The following SOX6 variants were observed in gnomAD, a reference collection of about 807,000 sequenced individuals.
SOX6 encodes the protein SRY-box transcription factor 6, also known as transcription factor SOX-6.
In SOX6, 11 loss-of-function variants were observed where a neutral mutation model predicts 97.8. The observed-to-expected ratio is 0.11, with a 90% CI of 0.07 to 0.19. The LOEUF (loss-of-function observed/expected upper bound fraction) is 0.19, where lower values mean the gene tolerates loss of function less well. SOX6 is among the 10% of genes least tolerant of loss of function. The pLI, the probability that SOX6 is intolerant of heterozygous loss-of-function variation, is 1.00. For missense variants in SOX6, 810 were observed against 1,039.5 expected, an observed-to-expected ratio of 0.78 and a Z score of 3.04; for synonymous variants, 360 against 371.4, an observed-to-expected ratio of 0.97 and a Z score of 0.35.
At chr11:16,384,367 C>A (rs1423495508) in intron 1 of SOX6, among the ~76,000 whole-genome samples, 2 of 151,746 alleles carry the variant, frequency 1.3e-5, no homozygotes, top group Non-Finnish European at 2.9e-5. Context: ...ACCTCCATGA[C>A]ATCCTAGAAG....
chr11:16,476,034 G>A (rs1167874909), intron 1 of SOX6, among the ~76,000 whole-genome samples: 2 of 151,960 alleles, frequency 1.3e-5, no homozygotes, highest in African/African-American at 4.8e-5. Flanking sequence ...TCCTACAATT[G>A]AGCCCTATTC....
At chr11:16,400,568 T>G (rs529902243) in intron 1 of SOX6, among the ~76,000 whole-genome samples, 1 of 151,662 alleles carries the variant, frequency 6.6e-6, no homozygotes, top group Admixed American at 6.6e-5. Context: ...ATGTAGTGAT[T>G]AAAAATGTTC....
intron 4 of SOX6, among the ~76,000 whole-genome samples, chr11:16,504,552 T>C (rs1011203197): frequency 1.6e-4 from 23 of 143,850 alleles, no homozygotes; most frequent in African/African-American, 5.6e-4. Context: ...CAAGGAAAAC[T>C]GTAAACCACT....
chr11:16,605,291 C>G lies in SOX6; in HGVS notation n.609+6790G>C, dbSNP rs1848322478. ...TGCGCTCGGCCGGGTGACTCCCTGG[C>G]GAAGTCCGCGCCCGGCGGGGCTGAA... On this transcript the variant is annotated intron_variant and non_coding_transcript_variant, in intron 4 of 5. Coordinates refer to the SOX6 transcript ENST00000524520. The surrounding 1 kb of genome is among the most constrained non-coding windows in gnomAD (Gnocchi z 5.3). 6.6e-6 allele frequency among the ~76,000 whole-genome samples: 1 copy of G among 152,094 alleles called. No homozygotes were observed. Among genetic ancestry groups the G allele is most frequent in the Admixed American group, 6.5e-5 (1 of 15,278 alleles).
At chr11:16,466,701 C>A (rs1860039722) in intron 1 of SOX6, among the ~76,000 whole-genome samples, 1 of 150,622 alleles carries the variant, frequency 6.6e-6, no homozygotes, top group Admixed American at 6.6e-5. Flanking sequence ...GAGGCCGAGG[C>A]AGGCGGATCA....
At position 16,613,010 on chromosome 11, in the gene SOX6, C is replaced by G. The variant is rs1353535715; in HGVS notation, n.430-750G>C. The G allele has an allele frequency of 6.6e-6, 1 of 152,404 alleles. No individual in the cohort carries two copies. The highest frequency in any genetic ancestry group is 1.9e-4 in the East Asian group (1 of 5,202). The allele number at this position is 152,404 out of a possible 1,614,324, so 9.4% of individuals were successfully genotyped here. On this transcript the variant is annotated intron_variant and non_coding_transcript_variant, in intron 3 of 5. Coordinates refer to the SOX6 transcript ENST00000524520. This position sits in a 1 kb window ranked among gnomAD's most constrained non-coding sequence, Gnocchi z 4.6. ...GATTGAATGGAAGCTCTGTACTGTACCGACTTCTGGATTTGCCCTGGGTTG... is the reference window on the plus strand; with the variant it reads ...GATTGAATGGAAGCTCTGTACTGTAGCGACTTCTGGATTTGCCCTGGGTTG...
intron 13 of SOX6, among the ~76,000 whole-genome samples, chr11:16,011,425 G>A (rs1854722904): frequency 6.6e-6 from 1 of 152,052 alleles, no homozygotes; most frequent in Admixed American, 6.6e-5. Flanking sequence ...TCACATTCAA[G>A]CCAAATAACA....
At chr11:16,706,471 A>AATATATATATAT (rs1157835806) in intron 3 of SOX6, among the ~76,000 whole-genome samples, 2 of 22,264 alleles carry the variant, frequency 9.0e-5, no homozygotes, top group Non-Finnish European at 1.5e-4. Context: ...AAAAAAAAAA[A>AATATATATATAT]ATATATATAT....
chr11:16,172,092 C>T lies in SOX6; in HGVS notation c.777+11794G>A, dbSNP rs1241689933. Among the ~76,000 whole-genome samples, 9 of 151,746 alleles carry T rather than the reference C, an allele frequency of 5.9e-5. No individual in the cohort carries two copies. In the Admixed American group the frequency reaches 5.9e-4, roughly 10 times the overall value. The stretch of plus-strand genomic sequence containing the variant: ...AACCCACCCCCGACACTCAACACCA[C>T]CCCCACAGTTAGACAAAGTTCTAGC... On this transcript the variant is annotated intron_variant, in intron 6 of 15. Transcript: ENST00000683767.
At chr11:16,092,836 GA>G (rs1163096904) in intron 9 of SOX6, among the ~76,000 whole-genome samples, 1 of 149,772 alleles carries the variant, frequency 6.7e-6, no homozygotes, top group Non-Finnish European at 1.5e-5. Flanking sequence ...TAAATACACT[GA>G]AGTCCCTTTT....
intron 3 of SOX6, among the ~76,000 whole-genome samples, chr11:16,243,674 T>C (rs1853258143): frequency 6.6e-6 from 1 of 151,940 alleles, no homozygotes; most frequent in African/African-American, 2.4e-5. Context: ...CAGGCAATCA[T>C]CCATGCTCCT....
At chr11:16,428,564 A>T (rs1393933724) in intron 1 of SOX6, among the ~76,000 whole-genome samples, 1 of 152,118 alleles carries the variant, frequency 6.6e-6, no homozygotes, top group East Asian at 1.9e-4. Flanking sequence ...TTTTCCCAGC[A>T]CCATTTATTA....
intron 1 of SOX6, among the ~76,000 whole-genome samples, chr11:16,428,553 G>C (rs1368492623): frequency 1.3e-5 from 2 of 152,140 alleles, no homozygotes; most frequent in Admixed American, 1.3e-4. Flanking sequence ...TGGCTAGCCA[G>C]TTTTCCCAGC....
chr11:16,166,057 G>A (rs1850879879), intron 6 of SOX6, among the ~76,000 whole-genome samples: 2 of 152,058 alleles, frequency 1.3e-5, no homozygotes, highest in Non-Finnish European at 2.9e-5. Flanking sequence ...TTTAGAGATA[G>A]AAATGAAGGA....
chr11:16,091,051 GT>G, intron 9 of SOX6, among the ~76,000 whole-genome samples: 1 of 152,076 alleles, frequency 6.6e-6, no homozygotes, highest in East Asian at 1.9e-4. Flanking sequence ...GAGCAAGAAA[GT>G]TATAGTGGAA....
intron 4 of SOX6, among the ~76,000 whole-genome samples, chr11:16,219,504 A>C (rs1786577203): frequency 6.6e-6 from 1 of 151,986 alleles, no homozygotes; most frequent in African/African-American, 2.4e-5. Flanking sequence ...AGACATTTGG[A>C]TTGAAAGGGA....
intron 6 of SOX6, among the ~76,000 whole-genome samples, chr11:16,140,009 GTA>G (rs1489349540): frequency 2.7e-5 from 4 of 147,584 alleles, no homozygotes; most frequent in East Asian, 2.0e-4. Flanking sequence ...GGAAAAATAA[GTA>G]TATGTGTGTG....
At chr11:16,134,459 G>T (rs1054223299) in intron 6 of SOX6, among the ~76,000 whole-genome samples, 1 of 152,190 alleles carries the variant, frequency 6.6e-6, no homozygotes, top group Non-Finnish European at 1.5e-5. Context: ...TCATGTTATT[G>T]TTCTTTGCTT....
At chr11:16,723,759 G>A (rs2134055486) in intron 2 of SOX6, among the ~76,000 whole-genome samples, 1 of 152,254 alleles carries the variant, frequency 6.6e-6, no homozygotes, top group Non-Finnish European at 1.5e-5. Context: ...TCCAGCCTGG[G>A]TGACAGAGAG....
Sources: allele counts gnomAD v4.1 joint callset (sites outside exome capture counted in the v4.1 genomes callset), GRCh38; gene constraint gnomAD v4.1.1; non-coding constraint Gnocchi (gnomAD v3.1); transcripts MANE v1.5; gene names NCBI Gene and HGNC (gene_info 2026-07-23, HGNC 2026-07-21).